Variants in SNCAIP observed in about 807,000 individuals in gnomAD.
SNCAIP encodes synphilin-1.
SNCAIP carries 43 observed loss-of-function variants against 86.7 expected under a neutral mutation model. The observed-to-expected ratio is 0.50, with a 90% CI of 0.39 to 0.64. The LOEUF is 0.64. Ranked by LOEUF, SNCAIP falls within the 30% of genes least tolerant of loss-of-function variation. The pLI is 0.00. For synonymous variants in SNCAIP, 417 were observed against 427.2 expected, an observed-to-expected ratio of 0.98 and a Z score of 0.29; for missense variants, 981 against 1,103.1, an observed-to-expected ratio of 0.89 and a Z score of 1.57.
At chr5:122,325,742 C>G (rs1035567629) in intron 1 of SNCAIP, among the ~76,000 whole-genome samples, 33 of 152,222 alleles carry the variant, frequency 2.2e-4, no homozygotes, top group African/African-American at 6.7e-4. Context: ...TCATCATTAG[C>G]TTTTTTATTT....
intron 3 of SNCAIP, among the ~76,000 whole-genome samples, chr5:122,411,913 GTC>G (rs1441693608): frequency 6.6e-6 from 1 of 152,134 alleles, no homozygotes; most frequent in Non-Finnish European, 1.5e-5. Context: ...AAAAATGCAA[GTC>G]TTATCATGCC....
intron 3 of SNCAIP, among the ~76,000 whole-genome samples, chr5:122,420,294 G>A (rs965976825): frequency 1.1e-4 from 17 of 152,170 alleles, no homozygotes; most frequent in Non-Finnish European, 2.2e-4. Flanking sequence ...AAACAGCTGG[G>A]AAACATATGG....
chr5:122,418,816 T>C (rs1159203606), intron 3 of SNCAIP, among the ~76,000 whole-genome samples: 1 of 152,206 alleles, frequency 6.6e-6, no homozygotes, highest in Non-Finnish European at 1.5e-5. Flanking sequence ...AGTACAGGGC[T>C]ACCTGAAATA....
chr5:122,381,901 A>T (rs1254334463), intron 1 of SNCAIP, among the ~76,000 whole-genome samples: 2 of 152,176 alleles, frequency 1.3e-5, no homozygotes, highest in African/African-American at 2.4e-5. Context: ...GGGTTTCTGC[A>T]GAAAGATCTG....
chr5:122,381,822 A>T (rs2152817799), intron 1 of SNCAIP, among the ~76,000 whole-genome samples: 1 of 152,172 alleles, frequency 6.6e-6, no homozygotes, highest in East Asian at 1.9e-4. Flanking sequence ...TCTGGATATG[A>T]AATTCTGGGT....
intron 3 of SNCAIP, among the ~76,000 whole-genome samples, chr5:122,419,559 A>ACT (rs1425078231): frequency 2.2e-3 from 332 of 152,310 alleles, no homozygotes; most frequent in African/African-American, 7.8e-3. Flanking sequence ...AAAAGTCATT[A>ACT]TGAATCTACT....
intron 1 of SNCAIP, among the ~76,000 whole-genome samples, chr5:122,354,616 G>C (rs1760632041): frequency 6.6e-6 from 1 of 152,164 alleles, no homozygotes; most frequent in South Asian, 2.1e-4. Flanking sequence ...GATTGTCTTG[G>C]AGCAGATATA....
chr5:122,430,843 T>A (rs1228882915), intron 5 of SNCAIP, among the ~76,000 whole-genome samples: 1 of 152,144 alleles, frequency 6.6e-6, no homozygotes, highest in Non-Finnish European at 1.5e-5. Flanking sequence ...TCAAGAGGGT[T>A]GGTTTCCTTA....
At chr5:122,436,440 C>A (rs1046598083) in intron 6 of SNCAIP, 2 of 151,918 alleles carry the variant, frequency 1.3e-5, no homozygotes, top group African/African-American at 2.4e-5. Flanking sequence ...CTTATTTTAC[C>A]ATTAGTAATG....
chr5:122,444,146 A>T, intron 7 of SNCAIP: 1 of 459,058 alleles, frequency 2.2e-6, no homozygotes, highest in Non-Finnish European at 4.4e-6. Context: ...TTTCAAAACC[A>T]ATTACCAGAG....
At chr5:122,435,459 G>A (rs190462648) in intron 6 of SNCAIP, among the ~76,000 whole-genome samples, 1 of 152,124 alleles carries the variant, frequency 6.6e-6, no homozygotes, top group Non-Finnish European at 1.5e-5. Flanking sequence ...GCTCTGCGCT[G>A]GTTATTAGTC....
At chr5:122,372,265 C>T (rs1165997548) in intron 1 of SNCAIP, among the ~76,000 whole-genome samples, 1 of 152,130 alleles carries the variant, frequency 6.6e-6, no homozygotes, top group Admixed American at 6.6e-5. Context: ...TAAAAGAGCT[C>T]TCCTCCGAAA....
In SNCAIP at chr5:122,444,644, C is replaced by A; in HGVS notation, c.1504C>A (p.His502Asn). The A allele has an allele frequency of 6.2e-7, 1 of 1,613,948 alleles. No individual in the cohort carries two copies. Among genetic ancestry groups the A allele is most frequent in the Non-Finnish European group, 8.5e-7 (1 of 1,179,840 alleles). Residue 502 changes from histidine to asparagine, a missense_variant, in exon 8 of 11, where the codon CAC becomes AAC. Physicochemically the swap from His to Asn is moderately conservative, Grantham distance 68 (BLOSUM62 1). Transcript: ENST00000261368. The stretch of plus-strand genomic sequence containing the variant: ...CTCCCAGAGCGCCGAGCGGCAGGGG[C>A]ACACCCTGTGCTCCAGGTACCTGGT... ...KPSQSAERQG[H>N]TLCSRYLVVV...
chr5:122,328,942 C>T (rs1754698148), intron 1 of SNCAIP, among the ~76,000 whole-genome samples: 1 of 152,166 alleles, frequency 6.6e-6, no homozygotes, highest in African/African-American at 2.4e-5. Context: ...TGTTTCCATG[C>T]TTCTTACCCT....
chr5:122,380,155 G>A (rs1259400969), intron 1 of SNCAIP, among the ~76,000 whole-genome samples: 1 of 152,136 alleles, frequency 6.6e-6, no homozygotes, highest in African/African-American at 2.4e-5. Context: ...ATTCGGCTGT[G>A]AATCCATCTG....
At chr5:122,434,260 C>T (rs1459325920) in intron 6 of SNCAIP, among the ~76,000 whole-genome samples, 1 of 152,200 alleles carries the variant, frequency 6.6e-6, no homozygotes, top group East Asian at 1.9e-4. Flanking sequence ...GCTGCCTGCA[C>T]TTTTGGTAGA....
chr5:122,376,787 G>A (rs886405598), intron 1 of SNCAIP, among the ~76,000 whole-genome samples: 3 of 152,180 alleles, frequency 2.0e-5, no homozygotes, highest in African/African-American at 7.2e-5. Flanking sequence ...AAATTCAACA[G>A]AGATGGTCAT....
Position 122,437,966 on chromosome 5 carries a change from T to C in SNCAIP, c.1297-2663T>C, listed in dbSNP as rs143170808. ...ACTACTAAAACTAAAGCACTGTGAT[T>C]TTAATAAAGGGCATTTTTTTGTGTA... On this transcript the variant is annotated intron_variant, in intron 6 of 10. Transcript: ENST00000261368. 3.9e-5 allele frequency among the ~76,000 whole-genome samples: 6 copies of C among 152,306 alleles called. No homozygotes were observed. The East Asian group carries it at 1.2e-3, about 29-fold the overall frequency.
At chr5:122,448,474 A>C (rs1782802463) in intron 8 of SNCAIP, among the ~76,000 whole-genome samples, 1 of 150,982 alleles carries the variant, frequency 6.6e-6, no homozygotes, top group Admixed American at 6.6e-5. Context: ...GTCTCTAAAA[A>C]TATTTTTAAT....
Sources: gnomAD v4.1 joint callset for allele counts (sites outside exome capture counted in the v4.1 genomes callset) on GRCh38, gnomAD v4.1.1 for gene constraint, MANE v1.5 for transcripts, NCBI Gene and HGNC (gene_info 2026-07-23, HGNC 2026-07-21) for gene names.